Variants in UBE2E2 observed in about 807,000 individuals in gnomAD.
UBE2E2 encodes the protein ubiquitin-conjugating enzyme E2 E2.
Under a neutral mutation model 24.7 loss-of-function variants are expected in UBE2E2, and 6 were observed. The observed-to-expected ratio is 0.24, with a 90% CI of 0.13 to 0.48. The LOEUF (loss-of-function observed/expected upper bound fraction) is 0.48, where lower values mean the gene tolerates loss of function less well. Among genes scored for constraint, UBE2E2 ranks in the 20% least tolerant of loss-of-function variants. The pLI is 0.99. For synonymous variants in UBE2E2, 104 were observed against 83.6 expected (o/e 1.24, Z -1.33); for missense variants, 169 against 245.0 (o/e 0.69, Z 2.07).
At chr3:23,329,032 C>T (rs1225732393) in intron 3 of UBE2E2, among the ~76,000 whole-genome samples, 1 of 152,196 alleles carries the variant, frequency 6.6e-6, no homozygotes, top group Non-Finnish European at 1.5e-5. Context: ...TCAATACTTA[C>T]GCCCTTGCCC....
intron 3 of UBE2E2, among the ~76,000 whole-genome samples, chr3:23,304,310 A>G (rs1699185172): frequency 6.6e-6 from 1 of 152,190 alleles, no homozygotes; most frequent in South Asian, 2.1e-4. Context: ...GTTTTTTTCC[A>G]CATTATTAAA....
chr3:23,433,266 A>G (rs962341300), intron 3 of UBE2E2, among the ~76,000 whole-genome samples: 9 of 151,932 alleles, frequency 5.9e-5, no homozygotes, highest in African/African-American at 1.9e-4. Context: ...CTCTATAAAG[A>G]ATTAGAATAA....
chr3:23,502,013 A>G (rs1160385540), intron 4 of UBE2E2, among the ~76,000 whole-genome samples: 2 of 152,184 alleles, frequency 1.3e-5, no homozygotes, highest in Admixed American at 6.5e-5. Flanking sequence ...CTCCTAATAT[A>G]TCAGTTTTAG....
intron 3 of UBE2E2, among the ~76,000 whole-genome samples, chr3:23,392,759 G>T (rs546974804): frequency 1.3e-5 from 2 of 152,108 alleles, no homozygotes; most frequent in African/African-American, 2.4e-5. Flanking sequence ...AAAACTGCAC[G>T]TTAAGAGGTT....
intron 3 of UBE2E2, among the ~76,000 whole-genome samples, chr3:23,496,982 T>A (rs1699615057): frequency 6.6e-6 from 1 of 152,174 alleles, no homozygotes; most frequent in Non-Finnish European, 1.5e-5. Flanking sequence ...TTTTGCATGT[T>A]ATATGTATAT....
intron 3 of UBE2E2, among the ~76,000 whole-genome samples, chr3:23,390,276 C>T (rs1414161441): frequency 6.6e-6 from 1 of 152,142 alleles, no homozygotes; most frequent in Non-Finnish European, 1.5e-5. Context: ...TCCCTCCCCA[C>T]TTATCCTGTA....
In UBE2E2 at chr3:23,591,518, C is replaced by T. The variant is rs1207061635; in HGVS notation, c.*1687C>T. 2.0e-5 allele frequency: 3 copies of T among 152,104 alleles called. No homozygotes were observed. Among genetic ancestry groups the T allele is most frequent in the African/African-American group, 7.2e-5 (3 of 41,404 alleles). 9.4% of individuals were successfully genotyped at this position (152,104 alleles called of 1,614,324 possible). A position where few individuals can be genotyped will look rare whatever the true frequency, so the allele number is the denominator to read the frequency against. On this transcript the variant is annotated 3_prime_UTR_variant, in exon 6 of 6. Coordinates refer to ENST00000396703, the MANE Select transcript of UBE2E2 (RefSeq NM_152653.4). The stretch of plus-strand genomic sequence containing the variant: ...TTTTACCATTCATTTTATTTAAAAA[C>T]ATTTCTCAGCATAGCAGGGCACTGT...
chr3:23,227,984 T>A (rs945972500), intron 3 of UBE2E2, among the ~76,000 whole-genome samples: 1 of 152,236 alleles, frequency 6.6e-6, no homozygotes, highest in Admixed American at 6.5e-5. Flanking sequence ...TATAGGGCTT[T>A]AAAAGGCTGG....
intron 3 of UBE2E2, among the ~76,000 whole-genome samples, chr3:23,331,692 G>C (rs1053524463): frequency 2.0e-5 from 3 of 152,106 alleles, no homozygotes; most frequent in Non-Finnish European, 4.4e-5. Context: ...AGAGTGACTG[G>C]AGAGGAGTGA....
At chr3:23,304,286 T>G (rs1203574257) in intron 3 of UBE2E2, among the ~76,000 whole-genome samples, 1 of 152,204 alleles carries the variant, frequency 6.6e-6, no homozygotes, top group Non-Finnish European at 1.5e-5. Flanking sequence ...TAAGTTTTGA[T>G]GTCAAAAACC....
At chr3:23,313,998 A>C (rs1694496976) in intron 3 of UBE2E2, among the ~76,000 whole-genome samples, 1 of 152,226 alleles carries the variant, frequency 6.6e-6, no homozygotes, top group South Asian at 2.1e-4. Context: ...AGACAGCTTA[A>C]CACTGATTGC....
At chr3:23,250,103 A>G (rs1474941723) in intron 3 of UBE2E2, among the ~76,000 whole-genome samples, 1 of 152,150 alleles carries the variant, frequency 6.6e-6, no homozygotes, top group East Asian at 1.9e-4. Flanking sequence ...TATGGATGCT[A>G]GTTCTCAGTA....
chr3:23,434,528 G>A (rs1322025265), intron 3 of UBE2E2, among the ~76,000 whole-genome samples: 3 of 152,060 alleles, frequency 2.0e-5, no homozygotes, highest in South Asian at 4.1e-4. Context: ...ACTATATTGT[G>A]TAAGTCTTCT....
chr3:23,506,765 C>T lies in UBE2E2; in HGVS notation c.360+7025C>T, dbSNP rs868256080. 3.9e-5 allele frequency among the ~76,000 whole-genome samples: 6 copies of T among 152,280 alleles called. No individual in the cohort carries two copies. The South Asian group carries it at 1.2e-3, about 32-fold the overall frequency. ...CTTCCCACCCCAGCCTCCCAAATGG[C>T]TGGGACCACAGGCATTTGCCACCAT... is the stretch of plus-strand genomic sequence containing the variant. On this transcript the variant is annotated intron_variant, in intron 4 of 5. Coordinates refer to ENST00000396703, the MANE Select transcript of UBE2E2 (RefSeq NM_152653.4).
intron 5 of UBE2E2, among the ~76,000 whole-genome samples, chr3:23,552,320 T>G (rs1695664674): frequency 6.6e-6 from 1 of 152,130 alleles, no homozygotes; most frequent in Non-Finnish European, 1.5e-5. Flanking sequence ...GACACTGCAC[T>G]CCAGCCTAAG....
intron 4 of UBE2E2, among the ~76,000 whole-genome samples, chr3:23,518,751 G>C (rs564622385): frequency 1.3e-5 from 2 of 152,090 alleles, no homozygotes; most frequent in African/African-American, 2.4e-5. Flanking sequence ...CTCTGTCCCT[G>C]CCTCAGATTG....
At chr3:23,423,034 C>T (rs541133922) in intron 3 of UBE2E2, among the ~76,000 whole-genome samples, 54 of 152,122 alleles carry the variant, frequency 3.5e-4, no homozygotes, top group Non-Finnish European at 7.2e-4. Context: ...TGTGTGTCTG[C>T]TTACATAATG....
At chr3:23,298,982 C>G (rs532189442) in intron 3 of UBE2E2, among the ~76,000 whole-genome samples, 21 of 152,192 alleles carry the variant, frequency 1.4e-4, no homozygotes, top group Non-Finnish European at 2.1e-4. Flanking sequence ...TATTGGTCTA[C>G]TCAGAGATTC....
intron 3 of UBE2E2, among the ~76,000 whole-genome samples, chr3:23,218,642 A>G (rs923765950): frequency 4.6e-5 from 7 of 152,230 alleles, no homozygotes; most frequent in Non-Finnish European, 1.5e-5. Context: ...AGTGAACTTT[A>G]TACACTTCTT....
Sources: gnomAD v4.1 joint callset for allele counts (sites outside exome capture counted in the v4.1 genomes callset) on GRCh38, gnomAD v4.1.1 for gene constraint, MANE v1.5 for transcripts, NCBI Gene and HGNC (gene_info 2026-07-23, HGNC 2026-07-21) for gene names.